Variants in ADGRV1 observed in about 807,000 individuals in gnomAD.
ADGRV1 encodes the protein G-protein coupled receptor 98.
A neutral mutation model predicts 596.2 loss-of-function variants in ADGRV1; 359 were observed. That is an observed-to-expected ratio of 0.60 (90% CI 0.55 to 0.66). ADGRV1 has a LOEUF of 0.66. Among genes scored for constraint, ADGRV1 ranks in the 30% least tolerant of loss-of-function variants. The pLI is 0.00. For synonymous variants in ADGRV1, 2,681 were observed against 2,679.2 expected, an observed-to-expected ratio of 1.00 and a Z score of -0.02; for missense variants, 7,274 against 7,575.6, an observed-to-expected ratio of 0.96 and a Z score of 1.48.
rs775440063 is a variant in ADGRV1, at chr5:90,619,177, A to G, written c.449A>G (p.Asn150Ser). 2.2e-5 allele frequency: 29 copies of G among 1,341,638 alleles called. No homozygotes were observed. The highest frequency in any genetic ancestry group is 2.9e-5 in the Non-Finnish European group (29 of 986,098). The allele number at this position is 1,341,638 out of a possible 1,614,324, so 83.1% of individuals were successfully genotyped here. ...NDNAFGIISF[N>S]MLPSIAVSEP... ...AATGCATTTGGAATTATTTCATTTA[A>G]TATGGTATGGACACAATTTGATGAT... The change falls in exon 4 of 90, where the codon AAT becomes AGT. Residue 150 changes from asparagine to serine, a missense_variant. Asn to Ser is a conservative substitution (Grantham distance 46). This residue lies in a region of ADGRV1 where 1,715 missense variants were observed against 1,708.8 expected (regional missense o/e 1.00). Coordinates refer to ENST00000405460, the MANE Select transcript of ADGRV1 (RefSeq NM_032119.4).
At chr5:90,842,315 C>T (rs537834353) in intron 78 of ADGRV1, among the ~76,000 whole-genome samples, 1 of 152,180 alleles carries the variant, frequency 6.6e-6, no homozygotes, top group South Asian at 2.1e-4. Flanking sequence ...ATGTAATTAA[C>T]TTTTTTTGAG....
At chr5:90,570,005 T>C (rs1275479662) in intron 1 of ADGRV1, among the ~76,000 whole-genome samples, 2 of 152,160 alleles carry the variant, frequency 1.3e-5, no homozygotes, top group Non-Finnish European at 1.5e-5. Context: ...ATGCCATCTT[T>C]TATATTTATC....
intron 85 of ADGRV1, among the ~76,000 whole-genome samples, chr5:90,993,950 C>T (rs1781188870): frequency 6.6e-6 from 1 of 150,742 alleles, no homozygotes; most frequent in African/African-American, 2.4e-5. Flanking sequence ...ACATGGTAAC[C>T]ACAATTGACC....
intron 85 of ADGRV1, among the ~76,000 whole-genome samples, chr5:91,063,453 T>G (rs1787623641): frequency 6.6e-6 from 1 of 152,196 alleles, no homozygotes; most frequent in Non-Finnish European, 1.5e-5. Flanking sequence ...TTAGTAGTGG[T>G]ATTTTCATTT....
At chr5:90,990,155 A>G (rs1312583820) in intron 85 of ADGRV1, among the ~76,000 whole-genome samples, 1 of 152,138 alleles carries the variant, frequency 6.6e-6, no homozygotes, top group Non-Finnish European at 1.5e-5. Flanking sequence ...TATATCTTTT[A>G]TATCTCAAAT....
intron 28 of ADGRV1, among the ~76,000 whole-genome samples, chr5:90,684,893 G>A (rs1484393172): frequency 1.3e-5 from 2 of 152,188 alleles, no homozygotes; most frequent in Non-Finnish European, 2.9e-5. Context: ...AGAAGGCGAA[G>A]CGGTTAAAGA....
intron 1 of ADGRV1, among the ~76,000 whole-genome samples, chr5:90,587,319 T>G (rs938969422): frequency 6.6e-6 from 1 of 152,140 alleles, no homozygotes; most frequent in Admixed American, 6.5e-5. Context: ...TAAAAAGTGC[T>G]GCTTCCTTGT....
At chr5:90,819,036 A>G (rs1311049506) in intron 75 of ADGRV1, among the ~76,000 whole-genome samples, 3 of 152,118 alleles carry the variant, frequency 2.0e-5, no homozygotes, top group Admixed American at 1.3e-4. Context: ...CTGTGAATCC[A>G]TCTGGTCCTG....
intron 20 of ADGRV1, chr5:90,654,379 G>A (rs1169684592): frequency 4.8e-6 from 1 of 206,708 alleles, no homozygotes; most frequent in Non-Finnish European, 9.8e-6. Context: ...ATTGCTGAAG[G>A]TAGAGGGTGG....
intron 59 of ADGRV1, among the ~76,000 whole-genome samples, chr5:90,773,603 C>T (rs1757921370): frequency 6.6e-6 from 1 of 152,156 alleles, no homozygotes; most frequent in Non-Finnish European, 1.5e-5. Flanking sequence ...TAAAAGAAAA[C>T]TGAAACATGC....
Position 90,781,482 on chromosome 5 carries a change from G to A in ADGRV1, c.13135G>A (p.Glu4379Lys). 2.5e-6 allele frequency: 4 copies of A among 1,610,024 alleles called. No individual in the cohort carries two copies. The highest frequency in any genetic ancestry group is 3.4e-6 in the Non-Finnish European group (4 of 1,177,804). The change falls in exon 65 of 90, where the codon GAA becomes AAA. Residue 4379 changes from glutamate (E) to lysine (K), a missense_variant. By Grantham distance (56) the Glu-to-Lys change is moderately conservative. Coordinates refer to ENST00000405460, the MANE Select transcript of ADGRV1 (RefSeq NM_032119.4). ...TGGACTTCAGATAGATCAACCTCCT[G>A]AAATAGGAAACATCTCCATTGTTCG... Reference protein sequence around the residue: ...ENGLQIDQPPEIGNISIVRII... With the variant: ...ENGLQIDQPPKIGNISIVRII...
chr5:90,815,533 C>A, intron 74 of ADGRV1, 86 bp from the exon 75 acceptor site: 1 of 694,612 alleles, frequency 1.4e-6, no homozygotes, highest in South Asian at 2.0e-5. Flanking sequence ...CACTTTTAAA[C>A]CATCTGAGCT....
At chr5:90,562,836 A>G (rs573988099) in intron 1 of ADGRV1, among the ~76,000 whole-genome samples, 1 of 152,354 alleles carries the variant, frequency 6.6e-6, no homozygotes, top group Non-Finnish European at 1.5e-5. Context: ...CTCTTTCTGT[A>G]TGCATTCGGA....
intron 1 of ADGRV1, among the ~76,000 whole-genome samples, chr5:90,568,736 A>G (rs1403353284): frequency 1.3e-5 from 2 of 152,090 alleles, no homozygotes; most frequent in Admixed American, 6.5e-5. Flanking sequence ...TAATTGTTAA[A>G]TTGTCTGTTT....
intron 40 of ADGRV1, 60 bp downstream of exon 40, chr5:90,711,119 A>C (rs1749287895): frequency 6.3e-7 from 1 of 1,579,138 alleles, no homozygotes; most frequent in African/African-American, 1.4e-5. Context: ...CTATCTACCA[A>C]ATAAAAGTTT....
At chr5:90,621,071 G>C (rs1406571906) in intron 4 of ADGRV1, among the ~76,000 whole-genome samples, 1 of 152,032 alleles carries the variant, frequency 6.6e-6, no homozygotes, top group Admixed American at 6.6e-5. Flanking sequence ...ACAAAATAGG[G>C]CCCTTCTTGA....
chr5:90,632,560 C>T (rs1385307698), intron 9 of ADGRV1, among the ~76,000 whole-genome samples: 1 of 152,142 alleles, frequency 6.6e-6, no homozygotes, highest in African/African-American at 2.4e-5. Flanking sequence ...CAAGTAACTG[C>T]AGAGAATTCT....
At chr5:90,758,328 A>G (rs540156986) in intron 57 of ADGRV1, among the ~76,000 whole-genome samples, 1 of 152,172 alleles carries the variant, frequency 6.6e-6, no homozygotes, top group Non-Finnish European at 1.5e-5. Flanking sequence ...GCGAGACTCC[A>G]TCTCAAAAAA....
intron 85 of ADGRV1, among the ~76,000 whole-genome samples, chr5:91,043,343 T>A (rs1034041464): frequency 2.6e-5 from 4 of 152,150 alleles, no homozygotes; most frequent in African/African-American, 7.2e-5. Context: ...ACCCTACTTT[T>A]AAAAAACCTA....
Sources: allele counts gnomAD v4.1 joint callset (sites outside exome capture counted in the v4.1 genomes callset), GRCh38; gene constraint gnomAD v4.1.1; regional missense constraint gnomAD v4.1.1; transcripts MANE v1.5; gene names NCBI Gene and HGNC (gene_info 2026-07-23, HGNC 2026-07-21).